Variants in FMN2 observed in about 807,000 individuals in gnomAD.
The protein encoded by FMN2 is formin 2, also known as formin-2.
Under a neutral mutation model 142.3 loss-of-function variants are expected in FMN2, and 51 were observed. The ratio of observed to expected loss-of-function variants is 0.36; its 90% CI spans 0.29 to 0.45. The LOEUF is 0.45. Ranked by LOEUF, FMN2 falls within the 20% of genes least tolerant of loss-of-function variation. The probability of loss-of-function intolerance (pLI) is 1.00; values close to 1 mark genes in which losing one functional copy is unlikely to be tolerated. For missense variants in FMN2, 1,936 were observed against 2,122.8 expected (o/e 0.91, Z 1.73); for synonymous variants, 882 against 869.8 (o/e 1.01, Z -0.25).
chr1:240,156,184 A>C (rs574340520), intron 2 of FMN2, among the ~76,000 whole-genome samples: 2 of 152,176 alleles, frequency 1.3e-5, no homozygotes, highest in Non-Finnish European at 2.9e-5. Context: ...CAGGAGTAGG[A>C]GGCCGAAGTG....
chr1:240,205,413 A>G (rs189909822), intron 4 of FMN2, among the ~76,000 whole-genome samples: 7 of 130,000 alleles, frequency 5.4e-5, no homozygotes, highest in African/African-American at 1.8e-4. Flanking sequence ...TTCATCTGTT[A>G]TTCATATTAA....
chr1:240,107,849 G>A (rs988108161), intron 1 of FMN2, among the ~76,000 whole-genome samples: 1 of 151,758 alleles, frequency 6.6e-6, no homozygotes, highest in African/African-American at 2.4e-5. Context: ...GTCACTTTTT[G>A]AATACTCTCA....
chr1:240,390,315 A>T (rs191385708), intron 14 of FMN2, among the ~76,000 whole-genome samples: 1 of 152,152 alleles, frequency 6.6e-6, no homozygotes, highest in African/African-American at 2.4e-5. Context: ...TGATATGGCT[A>T]TTAGGTTTGG....
intron 1 of FMN2, among the ~76,000 whole-genome samples, chr1:240,104,304 C>T (rs530227662): frequency 2.2e-3 from 332 of 151,986 alleles, no homozygotes; most frequent in African/African-American, 7.8e-3. Context: ...TACTATTCCT[C>T]ACCTCGTCCT....
intron 6 of FMN2, among the ~76,000 whole-genome samples, chr1:240,212,531 C>G (rs185878226): frequency 2.8e-4 from 42 of 152,148 alleles, no homozygotes; most frequent in African/African-American, 9.9e-4. Flanking sequence ...AATCAGCTGA[C>G]TAAGGGATGA....
intron 13 of FMN2, among the ~76,000 whole-genome samples, chr1:240,353,263 G>T (rs543556417): frequency 6.6e-6 from 1 of 152,290 alleles, no homozygotes; most frequent in South Asian, 2.1e-4. Flanking sequence ...GTCAGTTTCA[G>T]GCATTTTACA....
intron 2 of FMN2, among the ~76,000 whole-genome samples, chr1:240,175,490 T>G (rs549065334): frequency 1.3e-5 from 2 of 152,192 alleles, no homozygotes; most frequent in South Asian, 4.1e-4. Context: ...CCAGCACTTA[T>G]GTTCTATCTT....
At chr1:240,099,116 C>T (rs1418153754) in intron 1 of FMN2, among the ~76,000 whole-genome samples, 1 of 151,812 alleles carries the variant, frequency 6.6e-6, no homozygotes, top group Non-Finnish European at 1.5e-5. Context: ...ACATAAAGCC[C>T]CTACAATTCT....
At chr1:240,141,045 C>A (rs1436638652) in intron 2 of FMN2, among the ~76,000 whole-genome samples, 2 of 152,156 alleles carry the variant, frequency 1.3e-5, no homozygotes, top group Non-Finnish European at 2.9e-5. Context: ...AGGAAAATTT[C>A]TTTCATTTAC....
Position 240,329,176 on chromosome 1 carries a change from G to A in FMN2, c.4307+9G>A. ...CTGGACAAACCTGAACAGTAAGCAT[G>A]TCTTATAACCACGTAGAGGGCGTCC... is the stretch of plus-strand genomic sequence containing the variant. On this transcript the variant is annotated intron_variant, in intron 9 of 17. Transcript: ENST00000319653. 2 of 1,613,974 alleles carry A rather than the reference G, an allele frequency of 1.2e-6. No individual in the cohort carries two copies. Among genetic ancestry groups the A allele is most frequent in the South Asian group, 1.1e-5 (1 of 91,030 alleles).
intron 6 of FMN2, chr1:240,245,683 G>A (rs1026847480): frequency 3.1e-5 from 14 of 454,526 alleles, no homozygotes; most frequent in African/African-American, 2.9e-4. Context: ...GTTGTGACTT[G>A]TAAAAGATGA....
intron 2 of FMN2, chr1:240,170,232 C>T (rs904317078): frequency 2.7e-5 from 34 of 1,272,336 alleles, no homozygotes; most frequent in East Asian, 1.7e-4. Flanking sequence ...AGCCTCTCTC[C>T]GTAGAGGAGA....
intron 7 of FMN2, among the ~76,000 whole-genome samples, chr1:240,266,174 A>T (rs951680782): frequency 2.4e-5 from 2 of 84,434 alleles, no homozygotes; most frequent in African/African-American, 9.1e-5. Flanking sequence ...TAGTTTTTCA[A>T]TCTTTGTCCC....
chr1:240,289,747 A>G (rs1302313098), intron 7 of FMN2, among the ~76,000 whole-genome samples: 2 of 152,188 alleles, frequency 1.3e-5, no homozygotes, highest in African/African-American at 4.8e-5. Context: ...TATTCAAAAT[A>G]TGTGAAAGAT....
chr1:240,163,471 A>G (rs942713721), intron 2 of FMN2, among the ~76,000 whole-genome samples: 7 of 152,160 alleles, frequency 4.6e-5, no homozygotes, highest in Non-Finnish European at 7.4e-5. Flanking sequence ...GTTTCTTATG[A>G]TGCTTTTTGC....
At chr1:240,434,655 G>A (rs1218023256) in intron 15 of FMN2, among the ~76,000 whole-genome samples, 3 of 150,796 alleles carry the variant, frequency 2.0e-5, no homozygotes, top group Non-Finnish European at 4.4e-5. Context: ...TCCGCCTCCC[G>A]GGTTCATGCC....
chr1:240,457,175 C>A (rs12755101), intron 16 of FMN2, among the ~76,000 whole-genome samples: 1 of 151,948 alleles, frequency 6.6e-6, no homozygotes, highest in South Asian at 2.1e-4. Context: ...TAGGAAAAAT[C>A]TTCTAAGCTG....
At chr1:240,269,013 A>G (rs1218564895) in intron 7 of FMN2, among the ~76,000 whole-genome samples, 1 of 151,692 alleles carries the variant, frequency 6.6e-6, no homozygotes, top group Non-Finnish European at 1.5e-5. Context: ...TTGTCTCTGC[A>G]CTCTATTGTT....
intron 6 of FMN2, among the ~76,000 whole-genome samples, chr1:240,213,234 T>C (rs1204367710): frequency 6.6e-6 from 1 of 152,138 alleles, no homozygotes; most frequent in African/African-American, 2.4e-5. Context: ...GTAAGAGACT[T>C]TGCCAATATC....
Sources: gnomAD v4.1 joint callset for allele counts (sites outside exome capture counted in the v4.1 genomes callset) on GRCh38, gnomAD v4.1.1 for gene constraint, MANE v1.5 for transcripts, NCBI Gene and HGNC (gene_info 2026-07-23, HGNC 2026-07-21) for gene names.